KPNA5: variants seen among roughly 807,000 people sequenced by gnomAD.
The protein encoded by KPNA5 is importin subunit alpha-6.
KPNA5 carries 46 observed loss-of-function variants against 71.3 expected under a neutral mutation model. The observed-to-expected ratio is 0.65, with a 90% CI of 0.51 to 0.83. The LOEUF (loss-of-function observed/expected upper bound fraction) is 0.83, where lower values mean the gene tolerates loss of function less well. Ranked by LOEUF, KPNA5 falls within the 40% of genes least tolerant of loss-of-function variation. The pLI, the probability that KPNA5 is intolerant of heterozygous loss-of-function variation, is 0.00. For synonymous variants in KPNA5, 207 were observed against 201.4 expected (o/e 1.03, Z -0.24); for missense variants, 547 against 628.3 (o/e 0.87, Z 1.38).
Position 116,716,325 on chromosome 6 carries a change from G to A in KPNA5, c.756+7G>A, listed in dbSNP as rs769367855. 1.9e-6 allele frequency: 3 copies of A among 1,544,662 alleles called. No homozygotes were observed. The highest frequency in any genetic ancestry group is 1.7e-5 in the Admixed American group (1 of 58,754). ...TCCTCCAAACTTTAGTAAGGTATGA[G>A]TAAAATACACAAATTAAAATATTTG... On this transcript the variant is annotated splice_region_variant and intron_variant, in intron 8 of 13. Transcript: ENST00000368564.
intron 1 of KPNA5, among the ~76,000 whole-genome samples, chr6:116,685,894 A>C (rs1435424942): frequency 1.3e-5 from 2 of 151,992 alleles, no homozygotes; most frequent in African/African-American, 4.8e-5. Flanking sequence ...ACTAATTTAC[A>C]TTTGTTTTTT....
At chr6:116,702,481 G>A (rs1778266527) in intron 6 of KPNA5, among the ~76,000 whole-genome samples, 1 of 152,118 alleles carries the variant, frequency 6.6e-6, no homozygotes, top group South Asian at 2.1e-4. Context: ...CCAGGAGTTT[G>A]AGACCAGCCT....
chr6:116,692,615 G>T (rs1777847294), intron 4 of KPNA5, among the ~76,000 whole-genome samples: 1 of 152,108 alleles, frequency 6.6e-6, no homozygotes, highest in African/African-American at 2.4e-5. Flanking sequence ...AGCAGTTAAA[G>T]AGGCAAATAT....
At chr6:116,694,092 C>G (rs1777922194) in intron 4 of KPNA5, among the ~76,000 whole-genome samples, 1 of 152,204 alleles carries the variant, frequency 6.6e-6, no homozygotes, top group Non-Finnish European at 1.5e-5. Flanking sequence ...TTCCATTGGT[C>G]TATATCTCTG....
chr6:116,727,264 A>T (rs1232664773), intron 12 of KPNA5, among the ~76,000 whole-genome samples: 1 of 151,954 alleles, frequency 6.6e-6, no homozygotes, highest in Non-Finnish European at 1.5e-5. Flanking sequence ...TCTTCATTTT[A>T]AAAAATGAGT....
chr6:116,689,247 C>T lies in KPNA5; in HGVS notation c.5-73C>T, dbSNP rs141226608. On this transcript the variant is annotated intron_variant, in intron 1 of 13. Coordinates refer to ENST00000368564, the MANE Select transcript of KPNA5 (RefSeq NM_001366306.2). ...TAATCAGTGAGCCTGAATTTAGTTGCTAGATTAAGTGTCTCATGTTGTTTT... is the reference window on the plus strand; with the variant it reads ...TAATCAGTGAGCCTGAATTTAGTTGTTAGATTAAGTGTCTCATGTTGTTTT... The T allele has an allele frequency of 2.9e-3, 4,239 of 1,487,218 alleles. 104 individuals are homozygous for T. In the South Asian group the frequency reaches 0.033, roughly 12 times the overall value. 92.1% of individuals were successfully genotyped at this position (1,487,218 alleles called of 1,614,324 possible). A position where few individuals can be genotyped will look rare whatever the true frequency, so the allele number is the denominator to read the frequency against.
chr6:116,717,753 T>G (rs11967634), intron 8 of KPNA5, among the ~76,000 whole-genome samples: 2 of 152,148 alleles, frequency 1.3e-5, no homozygotes, highest in African/African-American at 4.8e-5. Context: ...CCCTTTCCCA[T>G]GATTCTTCCC....
chr6:116,692,501 G>T (rs555415483), intron 4 of KPNA5, 109 bp downstream of exon 4: 2 of 695,870 alleles, frequency 2.9e-6, no homozygotes, highest in East Asian at 5.7e-5. Context: ...CTAGACACAG[G>T]TGTTATATTC....
At chr6:116,711,501 G>T (rs530747451) in intron 7 of KPNA5, among the ~76,000 whole-genome samples, 12 of 133,454 alleles carry the variant, frequency 9.0e-5, no homozygotes, top group South Asian at 7.0e-4. Context: ...GTTTTGGTGT[G>T]TTTTTTTTTT....
intron 13 of KPNA5, 146 bp from the exon 14 acceptor site, chr6:116,731,990 T>C (rs1275618867): frequency 5.4e-6 from 1 of 185,876 alleles, no homozygotes; most frequent in East Asian, 1.3e-4. Context: ...TAGATTAAAA[T>C]AGTCCCGTTG....
chr6:116,732,306 G>A lies in KPNA5; in HGVS notation c.1603G>A (p.Asp535Asn). Residue 535 changes from aspartate to asparagine, a missense_variant, in exon 14 of 14, where the codon GAT (aspartate) becomes AAT (asparagine). Physicochemically the swap from Asp to Asn is conservative, Grantham distance 23. Transcript: ENST00000368564. ...ATTTCAGCAGCAGGAAGCACCAATG[G>A]ATGGATTTCAACTTTAACTTACTGG... Reference protein sequence around the residue: ...FIFQQQEAPMDGFQL With the variant: ...FIFQQQEAPMNGFQL The A allele has an allele frequency of 6.6e-7, 1 of 1,508,858 alleles. No individual in the cohort carries two copies. Among genetic ancestry groups the A allele is most frequent in the Non-Finnish European group, 8.9e-7 (1 of 1,125,624 alleles). 93.5% of individuals were successfully genotyped at this position (1,508,858 alleles called of 1,614,324 possible).
intron 7 of KPNA5, 53 bp downstream of exon 7, chr6:116,705,213 ATTCTACATACATAATTAAGTTC>A (rs1455661159): frequency 8.2e-5 from 105 of 1,287,938 alleles, no homozygotes; most frequent in Admixed American, 1.1e-4. Context: ...ACTCCATGAT[ATTCTACATACATAATTAAGTTC>A]TTCAGTCATA....
intron 7 of KPNA5, among the ~76,000 whole-genome samples, chr6:116,707,624 C>T (rs1778497343): frequency 1.3e-5 from 2 of 152,174 alleles, no homozygotes; most frequent in South Asian, 4.1e-4. Context: ...CCTGCAAACC[C>T]TAAAATATTT....
chr6:116,712,116 A>G (rs1047919649), intron 7 of KPNA5, among the ~76,000 whole-genome samples: 32 of 152,076 alleles, frequency 2.1e-4, no homozygotes, highest in African/African-American at 7.5e-4. Context: ...TAATTTTTGT[A>G]TCTTTAGTAG....
rs570076306 is a variant in KPNA5, at chr6:116,719,108, A to G, written c.756+2790A>G. Among the ~76,000 whole-genome samples the G allele has an allele frequency of 4.6e-5, 7 of 152,096 alleles. No individual in the cohort carries two copies. In the South Asian group the frequency reaches 1.5e-3, roughly 32 times the overall value. ...CGGAAATTTTCATTTCTACAATCCT[A>G]TTTTATCTTTTCAATAAGTAGTTGT... On this transcript the variant is annotated intron_variant, in intron 8 of 13. Transcript: ENST00000368564.
chr6:116,700,997 T>C (rs1343072945), intron 5 of KPNA5, among the ~76,000 whole-genome samples: 3 of 152,238 alleles, frequency 2.0e-5, no homozygotes, highest in South Asian at 4.1e-4. Flanking sequence ...CTAGGGATAC[T>C]AGTGACAAGT....
At chr6:116,710,675 A>G (rs1338230322) in intron 7 of KPNA5, among the ~76,000 whole-genome samples, 3 of 151,684 alleles carry the variant, frequency 2.0e-5, no homozygotes, top group Non-Finnish European at 4.4e-5. Flanking sequence ...TTTGATTAGA[A>G]TTCTATATCT....
At chr6:116,727,779 G>A (rs1353983292) in intron 12 of KPNA5, among the ~76,000 whole-genome samples, 1 of 152,008 alleles carries the variant, frequency 6.6e-6, no homozygotes, top group East Asian at 1.9e-4. Flanking sequence ...ATTGATTCCT[G>A]AATCTTTTAT....
At chr6:116,693,368 C>G (rs1441744697) in intron 4 of KPNA5, among the ~76,000 whole-genome samples, 4 of 152,186 alleles carry the variant, frequency 2.6e-5, no homozygotes, top group Non-Finnish European at 5.9e-5. Flanking sequence ...TAAAAGTGTT[C>G]CTATTTCTCC....
Sources: allele counts gnomAD v4.1 joint callset (sites outside exome capture counted in the v4.1 genomes callset), GRCh38; gene constraint gnomAD v4.1.1; transcripts MANE v1.5; gene names NCBI Gene and HGNC (gene_info 2026-07-23, HGNC 2026-07-21).